NT5DC4: variants seen among roughly 807,000 people sequenced by gnomAD.
NT5DC4 encodes the protein 5'-nucleotidase domain-containing protein 4.
Under a neutral mutation model 26.6 loss-of-function variants are expected in NT5DC4, and 44 were observed. That is an observed-to-expected ratio of 1.65 (90% confidence interval 1.30 to 2.13). The LOEUF (loss-of-function observed/expected upper bound fraction) is 2.13. NT5DC4 is among the 30% of genes most tolerant of loss of function. NT5DC4 has a pLI of 0.00. For synonymous variants in NT5DC4, 157 were observed against 86.7 expected, an observed-to-expected ratio of 1.81 and a Z score of -4.51; for missense variants, 399 against 228.1, an observed-to-expected ratio of 1.75 and a Z score of -4.83.
At chr2:112,739,470 T>C (rs541660346), downstream of NT5DC4, among the ~76,000 whole-genome samples, 9 of 152,312 alleles carry the variant, frequency 5.9e-5, no homozygotes, top group African/African-American at 1.9e-4. Context: ...GTGGTGTCCA[T>C]CTGTTCTTGG....
chr2:112,742,725 G>A, downstream of NT5DC4: 4 of 1,606,194 alleles, frequency 2.5e-6, no homozygotes, highest in Non-Finnish European at 2.6e-6. Context: ...TTCTGTTTGA[G>A]TCTTGCAAGA....
intron 16 of NT5DC4, among the ~76,000 whole-genome samples, chr2:112,733,443 G>T (rs574007669): frequency 1.3e-5 from 2 of 152,066 alleles, no homozygotes; most frequent in African/African-American, 2.4e-5. Context: ...GGGGTGGGAG[G>T]GGGGGACATG....
intron 16 of NT5DC4, chr2:112,736,684 A>G (rs1235156509): frequency 6.6e-6 from 1 of 152,216 alleles, no homozygotes; most frequent in Non-Finnish European, 1.5e-5. Context: ...ATGTGAGATC[A>G]TGCAGTATTT....
intron 16 of NT5DC4, among the ~76,000 whole-genome samples, chr2:112,733,558 G>A (rs1209723629): frequency 1.3e-5 from 2 of 152,222 alleles, no homozygotes; most frequent in Non-Finnish European, 2.9e-5. Flanking sequence ...CCCCCTTCCA[G>A]CTGGCTGGAG....
chr2:112,726,964 C>T, intron 15 of NT5DC4: 1 of 577,586 alleles, frequency 1.7e-6, no homozygotes, highest in East Asian at 2.9e-5. Context: ...GCCTGATTTG[C>T]AGGCTTTGCC....
At position 112,722,809 on chromosome 2, in the gene NT5DC4, T is replaced by C. The variant is rs534937870; in HGVS notation, c.527+38T>C. ...CCCTGCCCAGCCCTGGGACGACCAG[T>C]AGGACACTGCTCAGGGACCAAACCC... On this transcript the variant is annotated intron_variant, in intron 6 of 16. Transcript: ENST00000688554. 2,474 of 712,086 alleles carry C rather than the reference T, an allele frequency of 3.5e-3. 9 individuals carry two copies. Among genetic ancestry groups the C allele is most frequent in the Middle Eastern group, 0.015 (64 of 4,344 alleles). The allele number at this position is 712,086 out of a possible 1,614,324, so 44.1% of individuals were successfully genotyped here.
intron 1 of NT5DC4, chr2:112,721,584 A>C (rs1676866301): frequency 1.4e-6 from 1 of 717,642 alleles, no homozygotes; most frequent in East Asian, 2.7e-5. Context: ...GCACACACTC[A>C]GATGCACGCT....
At chr2:112,719,991 TC>T (rs1278281289), upstream of NT5DC4, among the ~76,000 whole-genome samples, 55 of 114,988 alleles carry the variant, frequency 4.8e-4, no homozygotes, top group African/African-American at 1.4e-3. Context: ...TCTTTCTTTT[TC>T]TTTTCTTTTC....
intron 8 of NT5DC4, 103 bp downstream of exon 8, chr2:112,723,571 C>T: frequency 1.4e-6 from 1 of 690,412 alleles, no homozygotes; most frequent in South Asian, 1.6e-5. Flanking sequence ...CTGAGCTCTG[C>T]TCCCCGGATG....
At position 112,723,398 on chromosome 2, in the gene NT5DC4, C is replaced by T. The variant is rs1446356261; in HGVS notation, c.622-20C>T. On this transcript the variant is annotated intron_variant, in intron 7 of 16. Transcript: ENST00000688554. ...ACACACACACACACACACACACAGG[C>T]ACTTTGCTCCCTCCTGCAGGGCTGT... The T allele has an allele frequency of 4.2e-6, 3 of 716,466 alleles. No homozygotes were observed. The African/African-American group carries it at 5.3e-5, about 13-fold the overall frequency. The allele number at this position is 716,466 out of a possible 1,614,324, so 44.4% of individuals were successfully genotyped here. A position where few individuals can be genotyped will look rare whatever the true frequency, so the allele number is the denominator to read the frequency against.
upstream of NT5DC4, among the ~76,000 whole-genome samples, chr2:112,719,924 C>CTCTT (rs35714262): frequency 0.016 from 1,089 of 69,088 alleles, 28 homozygotes; most frequent in East Asian, 0.019. Flanking sequence ...TTCTTTCTTT[C>CTCTT]TCTTTCTTTC....
In NT5DC4 at chr2:112,721,897, G is replaced by C. The variant is rs1165223902; in HGVS notation, c.148+6G>C. On this transcript the variant is annotated splice_donor_region_variant and intron_variant, in intron 2 of 16. Transcript: ENST00000688554. ...CATGGACTACACTCTGGCTGGTAGA[G>C]AGGGCTGGAACACAGCGTATTGGGA... 2.8e-6 allele frequency: 2 copies of C among 717,304 alleles called. No individual in the cohort carries two copies. Among genetic ancestry groups the C allele is most frequent in the Non-Finnish European group, 5.2e-6 (2 of 385,120 alleles). The allele number at this position is 717,304 out of a possible 1,614,324, so 44.4% of individuals were successfully genotyped here.
chr2:112,733,951 C>A (rs1173352650), intron 16 of NT5DC4, among the ~76,000 whole-genome samples: 1 of 152,072 alleles, frequency 6.6e-6, no homozygotes, highest in East Asian at 1.9e-4. Flanking sequence ...CTTATCATCA[C>A]CTTAGTCCTC....
chr2:112,723,359 ATG>A (rs143283842), intron 7 of NT5DC4, 57 bp from the exon 8 acceptor site: 71 of 680,364 alleles, frequency 1.0e-4, no homozygotes, highest in Non-Finnish European at 1.3e-4. Context: ...GTGGGTACAC[ATG>A]CACACACACA....
Position 112,726,309 on chromosome 2 carries a change from G to T in NT5DC4, c.1205+20G>T, listed in dbSNP as rs984895736. On this transcript the variant is annotated intron_variant, in intron 14 of 16. Coordinates refer to ENST00000688554, the MANE Select transcript of NT5DC4 (RefSeq NM_001393655.1). ...ATACCAGTGAGACCCTGGCCTTTCT[G>T]GGGGTGGGATGGGGCAGGGAGAGGT... The T allele has an allele frequency of 1.3e-5, 9 of 717,128 alleles. No homozygotes were observed. In the African/African-American group the frequency reaches 1.6e-4, roughly 13 times the overall value. 44.4% of individuals were successfully genotyped at this position (717,128 alleles called of 1,614,324 possible). A position where few individuals can be genotyped will look rare whatever the true frequency, so the allele number is the denominator to read the frequency against.
chr2:112,732,288 C>G (rs1404500171), intron 16 of NT5DC4, among the ~76,000 whole-genome samples: 1 of 152,146 alleles, frequency 6.6e-6, no homozygotes, highest in African/African-American at 2.4e-5. Context: ...CTTCCTTTCC[C>G]TGGTTTGACT....
intron 12 of NT5DC4, 22 bp from the exon 13 acceptor site, chr2:112,725,360 T>C (rs1259872742): frequency 1.4e-6 from 1 of 692,508 alleles, no homozygotes; most frequent in East Asian, 2.7e-5. Context: ...AACGAGTGTC[T>C]GTCCTCCCCT....
intron 16 of NT5DC4, chr2:112,736,511 T>C (rs547289651): frequency 5.9e-5 from 9 of 152,330 alleles, no homozygotes; most frequent in African/African-American, 2.2e-4. Flanking sequence ...TTAACAAAAA[T>C]CCCTAATACA....
At chr2:112,721,930 G>A (rs1396181145) in intron 2 of NT5DC4, 39 bp downstream of exon 2, 8 of 717,374 alleles carry the variant, frequency 1.1e-5, no homozygotes, top group African/African-American at 7.0e-5. Flanking sequence ...GGAGCTGGAG[G>A]GAGCAGGGGT....
Sources: gnomAD v4.1 joint callset for allele counts (sites outside exome capture counted in the v4.1 genomes callset) on GRCh38, gnomAD v4.1.1 for gene constraint, MANE v1.5 for transcripts, NCBI Gene and HGNC (gene_info 2026-07-23, HGNC 2026-07-21) for gene names.